Variants in MNAT1 observed in about 807,000 individuals in gnomAD.
MNAT1 encodes the protein CDK-activating kinase assembly factor MAT1.
In MNAT1, 43 loss-of-function variants were observed where a neutral mutation model predicts 42.0. The ratio of observed to expected loss-of-function variants is 1.02; its 90% CI spans 0.80 to 1.32. MNAT1 has a LOEUF of 1.32. Ranked by LOEUF, MNAT1 falls within the 40% of genes most tolerant of loss-of-function variation. The pLI is 0.00. For missense variants in MNAT1, 306 were observed against 350.4 expected, an observed-to-expected ratio of 0.87 and a Z score of 1.01; for synonymous variants, 118 against 120.0, an observed-to-expected ratio of 0.98 and a Z score of 0.11.
chr14:60,861,692 T>C (rs1055129043), intron 6 of MNAT1, among the ~76,000 whole-genome samples: 3 of 152,220 alleles, frequency 2.0e-5, no homozygotes, highest in African/African-American at 7.2e-5. Flanking sequence ...GTCCTTAATG[T>C]TGAGCAATTA....
rs75339885 is a variant in MNAT1 at position 60,868,218 on chromosome 14, T to C, written c.688-11496T>C. Among the ~76,000 whole-genome samples, 202 of 152,284 alleles carry C rather than the reference T, an allele frequency of 1.3e-3. 3 individuals are homozygous for C. In the East Asian group the frequency reaches 0.03, roughly 22 times the overall value. On this transcript the variant is annotated intron_variant, in intron 6 of 7. Transcript: ENST00000261245. ...AAATATATTCACATCCATATACATA[T>C]GTACAAATAGACATATATGTATGTG...
chr14:60,901,692 A>G (rs1004168039), intron 7 of MNAT1, among the ~76,000 whole-genome samples: 1 of 152,224 alleles, frequency 6.6e-6, no homozygotes, highest in African/African-American at 2.4e-5. Context: ...TTTTGTTGGA[A>G]GAAGTAACCG....
intron 7 of MNAT1, among the ~76,000 whole-genome samples, chr14:60,939,856 T>C (rs887625259): frequency 6.6e-6 from 1 of 152,178 alleles, no homozygotes; most frequent in Non-Finnish European, 1.5e-5. Context: ...ATTTTTATTG[T>C]GTGGGAGTCT....
intron 1 of MNAT1, among the ~76,000 whole-genome samples, chr14:60,744,838 A>G (rs1425520199): frequency 6.6e-6 from 1 of 152,186 alleles, no homozygotes; most frequent in Non-Finnish European, 1.5e-5. Context: ...TCAGCTGGAT[A>G]TCTGAGATGT....
chr14:60,865,162 C>T (rs2034176923), intron 6 of MNAT1, among the ~76,000 whole-genome samples: 3 of 151,908 alleles, frequency 2.0e-5, no homozygotes, highest in African/African-American at 4.8e-5. Context: ...TCTATAATGG[C>T]GTAAAGAAAC....
intron 6 of MNAT1, among the ~76,000 whole-genome samples, chr14:60,850,064 T>C (rs951422944): frequency 3.3e-5 from 5 of 152,170 alleles, no homozygotes; most frequent in South Asian, 2.1e-4. Context: ...ATCAAACTCC[T>C]GACCTCAGGT....
rs191288908 is a variant in MNAT1, at chr14:60,938,149, A to G, written c.810-30080A>G. 4.1e-3 allele frequency among the ~76,000 whole-genome samples: 626 copies of G among 152,262 alleles called. 1 individual carries two copies. Among genetic ancestry groups the G allele is most frequent in the Non-Finnish European group, 6.9e-3 (466 of 68,026 alleles). ...GGGCCAAGGCGATGGGATTTTCTAG[A>G]TATACAATCATGTCATCTGCAAACA... On this transcript the variant is annotated intron_variant, in intron 7 of 7. Coordinates refer to ENST00000261245, the MANE Select transcript of MNAT1 (RefSeq NM_002431.4).
intron 1 of MNAT1, among the ~76,000 whole-genome samples, chr14:60,769,554 G>T (rs142525411): frequency 1.3e-5 from 2 of 152,092 alleles, no homozygotes; most frequent in East Asian, 3.9e-4. Flanking sequence ...TAAGTGTTGC[G>T]ATTATAGGTG....
chr14:60,765,471 T>C (rs756202849), intron 1 of MNAT1, among the ~76,000 whole-genome samples: 6 of 152,258 alleles, frequency 3.9e-5, no homozygotes, highest in Middle Eastern at 3.4e-3. Context: ...TGTATACTTA[T>C]GTAACAAACC....
At chr14:60,829,033 C>G (rs2033143182) in intron 6 of MNAT1, among the ~76,000 whole-genome samples, 1 of 152,030 alleles carries the variant, frequency 6.6e-6, no homozygotes, top group Non-Finnish European at 1.5e-5. Flanking sequence ...ATGGGGGCTT[C>G]TTTCCTATAG....
chr14:60,792,257 C>T (rs912704721), intron 1 of MNAT1, among the ~76,000 whole-genome samples: 2 of 151,856 alleles, frequency 1.3e-5, no homozygotes, highest in East Asian at 1.9e-4. Context: ...TTCTATGATT[C>T]GGTTAGAGCA....
intron 7 of MNAT1, among the ~76,000 whole-genome samples, chr14:60,915,369 A>G (rs548511220): frequency 6.6e-6 from 1 of 152,222 alleles, no homozygotes; most frequent in Admixed American, 6.5e-5. Flanking sequence ...CATCTTCCCT[A>G]TATTCATGGT....
At chr14:60,882,875 A>G (rs1240597129) in intron 7 of MNAT1, among the ~76,000 whole-genome samples, 2 of 152,122 alleles carry the variant, frequency 1.3e-5, no homozygotes, top group African/African-American at 4.8e-5. Context: ...TGCCATTTGT[A>G]TATCTTCCTT....
intron 1 of MNAT1, among the ~76,000 whole-genome samples, chr14:60,751,637 G>A (rs1050832603): frequency 7.9e-5 from 12 of 151,624 alleles, no homozygotes; most frequent in African/African-American, 2.7e-4. Context: ...AAGAAATATA[G>A]ATTATTTACA....
chr14:60,894,513 A>C (rs139863808), intron 7 of MNAT1, among the ~76,000 whole-genome samples: 11 of 152,102 alleles, frequency 7.2e-5, no homozygotes, highest in Non-Finnish European at 1.6e-4. Flanking sequence ...CTTGGGCAAC[A>C]CTTTGTTTGG....
At chr14:60,762,192 C>G (rs2030628479) in intron 1 of MNAT1, among the ~76,000 whole-genome samples, 1 of 152,150 alleles carries the variant, frequency 6.6e-6, no homozygotes, top group African/African-American at 2.4e-5. Flanking sequence ...ATAATCATCT[C>G]TCTTTGTTTA....
intron 1 of MNAT1, among the ~76,000 whole-genome samples, chr14:60,771,192 T>G (rs2031040448): frequency 6.6e-6 from 1 of 152,200 alleles, no homozygotes; most frequent in African/African-American, 2.4e-5. Flanking sequence ...TTGTTTGTTT[T>G]GTTTTTTACA....
chr14:60,787,236 G>A (rs2031679150), intron 1 of MNAT1, among the ~76,000 whole-genome samples: 1 of 152,136 alleles, frequency 6.6e-6, no homozygotes. Context: ...ACAATAAAGT[G>A]TGTCACACAA....
At chr14:60,750,263 G>A (rs1339419026) in intron 1 of MNAT1, among the ~76,000 whole-genome samples, 1 of 147,110 alleles carries the variant, frequency 6.8e-6, no homozygotes, top group African/African-American at 2.5e-5. Context: ...ATCTCGTTCT[G>A]TCGCCCAGGC....
Sources: gnomAD v4.1 joint callset for allele counts (sites outside exome capture counted in the v4.1 genomes callset) on GRCh38, gnomAD v4.1.1 for gene constraint, MANE v1.5 for transcripts, NCBI Gene and HGNC (gene_info 2026-07-23, HGNC 2026-07-21) for gene names.